Variants in LIN28B observed in about 807,000 individuals in gnomAD.
LIN28B encodes lin-28 RNA binding posttranscriptional regulator B.
Under a neutral mutation model 21.9 loss-of-function variants are expected in LIN28B, and 5 were observed. That is an observed-to-expected ratio of 0.23 (90% CI 0.12 to 0.48). The LOEUF (loss-of-function observed/expected upper bound fraction) is 0.48. Ranked by LOEUF, LIN28B falls within the 20% of genes least tolerant of loss-of-function variation. LIN28B has a pLI of 0.98. For missense variants in LIN28B, 245 were observed against 310.5 expected, an observed-to-expected ratio of 0.79 and a Z score of 1.58; for synonymous variants, 109 against 111.3, an observed-to-expected ratio of 0.98 and a Z score of 0.13.
intron 3 of LIN28B, among the ~76,000 whole-genome samples, chr6:105,049,226 A>G (rs1478718940): frequency 6.6e-6 from 1 of 152,164 alleles, no homozygotes; most frequent in African/African-American, 2.4e-5. Context: ...GGTTTCAAAG[A>G]GCATCTTTAT....
At chr6:104,950,444 G>C (rs1778207966) in intron 2 of LIN28B, 7 of 1,216,490 alleles carry the variant, frequency 5.8e-6, no homozygotes, top group Non-Finnish European at 7.2e-6. Context: ...GTACTGACTT[G>C]AGCTCTCTGA....
chr6:105,048,471 T>TA (rs1358457033), intron 3 of LIN28B, among the ~76,000 whole-genome samples: 8 of 152,250 alleles, frequency 5.3e-5, no homozygotes, highest in African/African-American at 1.9e-4. Context: ...CATATTGGTC[T>TA]AAAATTCTCT....
At chr6:104,965,118 T>C (rs959543992) in intron 2 of LIN28B, among the ~76,000 whole-genome samples, 1 of 152,246 alleles carries the variant, frequency 6.6e-6, no homozygotes, top group African/African-American at 2.4e-5. Flanking sequence ...GTCTTTTATG[T>C]GCTTTCTTTA....
intron 2 of LIN28B, among the ~76,000 whole-genome samples, chr6:105,015,461 C>T (rs576735240): frequency 1.3e-5 from 2 of 151,992 alleles, no homozygotes; most frequent in Admixed American, 1.3e-4. Context: ...TCGGGTCTTG[C>T]TTTTTTATCA....
rs1772546397 is a variant in LIN28B, at chr6:105,081,789, GT to G, written c.*3009del. On this transcript the variant is annotated 3_prime_UTR_variant, in exon 4 of 4. Transcript: ENST00000345080. ...TGCAGGTATTCATGCTAGGCAAAGA[GT>G]TTAAAAGACGCCAATGTCCTTCATT... is the stretch of plus-strand genomic sequence containing the variant. 1 of 152,684 alleles carries G rather than the reference GT, an allele frequency of 6.5e-6. No homozygotes were observed. Among genetic ancestry groups the G allele is most frequent in the African/African-American group, 2.4e-5 (1 of 41,440 alleles). The allele number at this position is 152,684 out of a possible 1,614,324, so 9.5% of individuals were successfully genotyped here.
chr6:105,047,814 CTGTT>C (rs773665650), intron 3 of LIN28B, among the ~76,000 whole-genome samples: 17 of 152,268 alleles, frequency 1.1e-4, no homozygotes, highest in East Asian at 5.8e-4. Flanking sequence ...ATTTGGCTCT[CTGTT>C]TGTCTGTTAT....
intron 3 of LIN28B, among the ~76,000 whole-genome samples, chr6:105,064,777 T>A (rs1384537120): frequency 6.6e-6 from 1 of 152,056 alleles, no homozygotes; most frequent in Admixed American, 6.5e-5. Context: ...TAGAAAAAAA[T>A]ATTTAGTGTC....
chr6:105,027,035 A>C (rs546729186), intron 3 of LIN28B, among the ~76,000 whole-genome samples: 1 of 152,122 alleles, frequency 6.6e-6, no homozygotes, highest in Non-Finnish European at 1.5e-5. Context: ...TTACTATTTG[A>C]ATGTACCAAA....
At chr6:105,057,791 G>C (rs1351121605) in intron 3 of LIN28B, among the ~76,000 whole-genome samples, 1 of 152,018 alleles carries the variant, frequency 6.6e-6, no homozygotes, top group Non-Finnish European at 1.5e-5. Flanking sequence ...TGTATATAGA[G>C]ATTACATTAC....
At chr6:104,966,081 G>A (rs1364736704) in intron 2 of LIN28B, among the ~76,000 whole-genome samples, 1 of 152,138 alleles carries the variant, frequency 6.6e-6, no homozygotes, top group African/African-American at 2.4e-5. Context: ...AGGATTACAT[G>A]TTATTACATA....
chr6:105,050,938 G>T (rs1348533315), intron 3 of LIN28B, among the ~76,000 whole-genome samples: 1 of 151,406 alleles, frequency 6.6e-6, no homozygotes, highest in Non-Finnish European at 1.5e-5. Flanking sequence ...TATAGGGCTA[G>T]GAGTGGTGGC....
intron 3 of LIN28B, among the ~76,000 whole-genome samples, chr6:105,045,002 T>TA (rs1269217059): frequency 6.6e-6 from 1 of 151,888 alleles, no homozygotes; most frequent in Non-Finnish European, 1.5e-5. Flanking sequence ...CCCTATCTCT[T>TA]AAAAAAAATT....
chr6:104,964,288 T>TA (rs1256592198), intron 2 of LIN28B, among the ~76,000 whole-genome samples: 1 of 152,174 alleles, frequency 6.6e-6, no homozygotes, highest in Non-Finnish European at 1.5e-5. Flanking sequence ...TCAGCCTCCC[T>TA]AATAGCTGTG....
At chr6:105,076,774 T>C (rs1184322354) in intron 3 of LIN28B, among the ~76,000 whole-genome samples, 2 of 151,780 alleles carry the variant, frequency 1.3e-5, no homozygotes, top group African/African-American at 4.8e-5. Flanking sequence ...CCCAGCTAAT[T>C]TTTGTATTTT....
chr6:104,945,537 G>A (rs930885843), intron 2 of LIN28B, among the ~76,000 whole-genome samples: 2 of 151,986 alleles, frequency 1.3e-5, no homozygotes, highest in South Asian at 4.1e-4. Context: ...CCACTTTAAA[G>A]TTTTGTCTTA....
At chr6:105,031,499 T>G (rs1771421978) in intron 3 of LIN28B, among the ~76,000 whole-genome samples, 1 of 151,790 alleles carries the variant, frequency 6.6e-6, no homozygotes, top group Admixed American at 6.6e-5. Flanking sequence ...TACATAATAT[T>G]AAATTGTCAT....
At chr6:105,015,442 G>A (rs770202408) in intron 2 of LIN28B, among the ~76,000 whole-genome samples, 3 of 151,794 alleles carry the variant, frequency 2.0e-5, no homozygotes, top group African/African-American at 7.3e-5. Flanking sequence ...AGATGTAGAC[G>A]GCAAAGAGTC....
chr6:105,032,519 G>A (rs1771445075), intron 3 of LIN28B, among the ~76,000 whole-genome samples: 1 of 152,036 alleles, frequency 6.6e-6, no homozygotes, highest in South Asian at 2.1e-4. Flanking sequence ...GAGCCCAGAA[G>A]TTTGAACCTA....
intron 2 of LIN28B, among the ~76,000 whole-genome samples, chr6:104,960,879 A>G (rs1304910924): frequency 6.6e-6 from 1 of 152,160 alleles, no homozygotes. Context: ...TCTACTTAAA[A>G]TTTATTGGCA....
Sources: gnomAD v4.1 joint callset for allele counts (sites outside exome capture counted in the v4.1 genomes callset) on GRCh38, gnomAD v4.1.1 for gene constraint, MANE v1.5 for transcripts, NCBI Gene and HGNC (gene_info 2026-07-23, HGNC 2026-07-21) for gene names.